The following RNF216 variants were observed in gnomAD, a reference collection of about 807,000 sequenced individuals.
RNF216 encodes the protein ring finger protein 216.
A neutral mutation model predicts 110.8 loss-of-function variants in RNF216; 72 were observed. That is an observed-to-expected ratio of 0.65 (90% confidence interval 0.54 to 0.79). The LOEUF (loss-of-function observed/expected upper bound fraction) is 0.79, where lower values mean the gene tolerates loss of function less well. Ranked by LOEUF, RNF216 falls within the 30% of genes least tolerant of loss-of-function variation. The pLI is 0.00. For synonymous variants in RNF216, 495 were observed against 407.5 expected (o/e 1.21, Z -2.59); for missense variants, 1,342 against 1,141.2 (o/e 1.18, Z -2.54).
intron 7 of RNF216, among the ~76,000 whole-genome samples, chr7:5,728,308 G>A (rs561564879): frequency 2.4e-4 from 37 of 151,870 alleles, no homozygotes; most frequent in East Asian, 2.3e-3. Context: ...GGCCAGGCAC[G>A]GTGGCTCATG....
At chr7:5,743,822 G>A (rs1794896150) in intron 3 of RNF216, among the ~76,000 whole-genome samples, 1 of 152,154 alleles carries the variant, frequency 6.6e-6, no homozygotes, top group Non-Finnish European at 1.5e-5. Context: ...GGGCCAAGCT[G>A]GAAATACCCT....
At chr7:5,709,988 A>C (rs1421979779) in intron 13 of RNF216, among the ~76,000 whole-genome samples, 1 of 152,170 alleles carries the variant, frequency 6.6e-6, no homozygotes, top group Non-Finnish European at 1.5e-5. Context: ...TCCTAGTCTC[A>C]AGAGATCCTC....
chr7:5,741,109 T>C lies in RNF216; in HGVS notation c.908A>G (p.Gln303Arg). ...TGGCTCTTCATCATCACTTGCTAAC[T>C]GCTGGTCTTCAAACTCTCCTAGAGG... The part of the protein sequence containing the change: ...AHPLGEFEDQ[Q>R]LASDDEEPGP... Residue 303 changes from glutamine to arginine, a missense_variant, in exon 4 of 17, where the codon CAG (glutamine) becomes CGG (arginine). Gln to Arg is a conservative substitution (Grantham distance 43). Transcript: ENST00000389902. 1 of 1,614,182 alleles carries C rather than the reference T, an allele frequency of 6.2e-7. No homozygotes were observed.
chr7:5,703,057 G>C (rs1250510409), intron 13 of RNF216, among the ~76,000 whole-genome samples: 1 of 152,194 alleles, frequency 6.6e-6, no homozygotes, highest in Non-Finnish European at 1.5e-5. Flanking sequence ...GGGCTCTGAA[G>C]AAAGTGACTC....
rs761061630 is a variant in RNF216, at chr7:5,652,541, T to C, written c.2062-31A>G. The C allele has an allele frequency of 3.4e-5, 49 of 1,425,576 alleles. No individual in the cohort carries two copies. The South Asian group carries it at 5.5e-4, about 16-fold the overall frequency. The allele number at this position is 1,425,576 out of a possible 1,614,324, so 88.3% of individuals were successfully genotyped here. A position where few individuals can be genotyped will look rare whatever the true frequency, so the allele number is the denominator to read the frequency against. ...GATAAAGGACAGACACAAAGACAAC[T>C]CCTGGTGAGTGGACACCACAGAAGT... On this transcript the variant is annotated intron_variant, in intron 13 of 16. Transcript: ENST00000389902.
intron 13 of RNF216, among the ~76,000 whole-genome samples, chr7:5,674,495 G>A (rs986100408): frequency 3.3e-5 from 5 of 151,772 alleles, no homozygotes; most frequent in Admixed American, 3.3e-4. Context: ...AGGTGTGGTG[G>A]CACACACCTG....
chr7:5,754,412 T>C (rs530062131), intron 2 of RNF216, among the ~76,000 whole-genome samples: 4 of 152,144 alleles, frequency 2.6e-5, no homozygotes, highest in African/African-American at 9.6e-5. Flanking sequence ...TCCTCCCACC[T>C]CGGCCTCCCA....
chr7:5,673,612 G>C (rs1275574953), intron 13 of RNF216, among the ~76,000 whole-genome samples: 1 of 152,124 alleles, frequency 6.6e-6, no homozygotes, highest in Non-Finnish European at 1.5e-5. Flanking sequence ...GGTCTGCAAG[G>C]AATTTCTCCA....
intron 15 of RNF216, among the ~76,000 whole-genome samples, chr7:5,631,992 A>T (rs1407104934): frequency 1.3e-5 from 2 of 152,220 alleles, no homozygotes; most frequent in East Asian, 3.8e-4. Flanking sequence ...CAGAAGATGC[A>T]GAGAGTGGCT....
At chr7:5,684,910 G>A (rs1264121784) in intron 13 of RNF216, among the ~76,000 whole-genome samples, 3 of 151,968 alleles carry the variant, frequency 2.0e-5, no homozygotes, top group Non-Finnish European at 2.9e-5. Flanking sequence ...TGGGGGGCTG[G>A]GGGTGGGGTG....
At chr7:5,739,931 A>G (rs1038013894) in intron 4 of RNF216, among the ~76,000 whole-genome samples, 65 of 150,034 alleles carry the variant, frequency 4.3e-4, no homozygotes, top group Non-Finnish European at 5.9e-5. Context: ...TGAACCCAGG[A>G]GGCGGAGGTT....
chr7:5,765,428 C>A (rs1002195280), intron 1 of RNF216, among the ~76,000 whole-genome samples: 1 of 152,008 alleles, frequency 6.6e-6, no homozygotes, highest in Non-Finnish European at 1.5e-5. Context: ...TGTGCCACTG[C>A]ACTCCAGCCT....
intron 7 of RNF216, among the ~76,000 whole-genome samples, chr7:5,726,045 C>T (rs1397227719): frequency 2.6e-5 from 4 of 151,906 alleles, no homozygotes; most frequent in African/African-American, 7.3e-5. Flanking sequence ...GGGAGGATGA[C>T]GGGGGTGGAT....
At chr7:5,763,985 T>C (rs1372430501) in intron 1 of RNF216, among the ~76,000 whole-genome samples, 1 of 152,064 alleles carries the variant, frequency 6.6e-6, no homozygotes, top group Non-Finnish European at 1.5e-5. Context: ...GGTCAGGAGT[T>C]TGAGACCAGC....
At chr7:5,649,153 G>C (rs754930218) in intron 14 of RNF216, among the ~76,000 whole-genome samples, 1 of 152,092 alleles carries the variant, frequency 6.6e-6, no homozygotes, top group Admixed American at 6.6e-5. Context: ...AGGCTGAGGT[G>C]GGGGGATCAC....
intron 5 of RNF216, among the ~76,000 whole-genome samples, chr7:5,737,543 T>TA (rs1369206265): frequency 6.5e-4 from 61 of 94,360 alleles, no homozygotes; most frequent in Admixed American, 1.0e-3. Context: ...ATAATAATAA[T>TA]AATAAATAAA....
chr7:5,636,711 CG>C (rs746545445), intron 15 of RNF216, among the ~76,000 whole-genome samples: 1 of 152,158 alleles, frequency 6.6e-6, no homozygotes, highest in Non-Finnish European at 1.5e-5. Context: ...ACGGGACAAA[CG>C]GAACAGAATC....
intron 13 of RNF216, among the ~76,000 whole-genome samples, chr7:5,711,119 G>C (rs1792658533): frequency 6.6e-6 from 1 of 152,088 alleles, no homozygotes; most frequent in Admixed American, 6.5e-5. Flanking sequence ...ATTTGTCTAG[G>C]TGGATGCTAA....
At chr7:5,711,930 T>G (rs1161531204) in intron 12 of RNF216, 91 bp from the exon 13 acceptor site, 6 of 1,122,274 alleles carry the variant, frequency 5.3e-6, no homozygotes, top group African/African-American at 1.5e-5. Flanking sequence ...GAAGATGGAG[T>G]TTTGAGCTGG....
Sources: gnomAD v4.1 joint callset for allele counts (sites outside exome capture counted in the v4.1 genomes callset) on GRCh38, gnomAD v4.1.1 for gene constraint, MANE v1.5 for transcripts, NCBI Gene and HGNC (gene_info 2026-07-23, HGNC 2026-07-21) for gene names.